CLCN5: variants seen among roughly 807,000 people sequenced by gnomAD.
The protein encoded by CLCN5 is Cl-/H+ antiporter 5.
A neutral mutation model predicts 54.0 loss-of-function variants in CLCN5; 17 were observed. The observed-to-expected ratio is 0.31, with a 90% CI of 0.22 to 0.47. CLCN5 has a LOEUF of 0.47. Among genes scored for constraint, CLCN5 ranks in the 20% least tolerant of loss-of-function variants. The probability of loss-of-function intolerance (pLI) is 1.00; values close to 1 mark genes in which losing one functional copy is unlikely to be tolerated. For missense variants in CLCN5, 448 were observed against 646.7 expected (o/e 0.69, Z 3.33); for synonymous variants, 222 against 233.0 (o/e 0.95, Z 0.43).
intron 3 of CLCN5, among the ~76,000 whole-genome samples, chrX:50,040,379 G>A (rs1333886371): frequency 1.8e-5 from 2 of 111,609 alleles, no homozygotes; most frequent in Non-Finnish European, 3.8e-5. Context: ...AATTTTGTAC[G>A]TTATTAGTAC....
intron 3 of CLCN5, among the ~76,000 whole-genome samples, chrX:49,961,481 A>G (rs1927594145): frequency 8.9e-6 from 1 of 112,309 alleles, no homozygotes; most frequent in Non-Finnish European, 1.9e-5. Context: ...GTAAGAGGCA[A>G]CACAGAGGGT....
chrX:49,950,984 A>G (rs1336879783), intron 3 of CLCN5, among the ~76,000 whole-genome samples: 11 of 111,696 alleles, frequency 9.8e-5, no homozygotes, highest in African/African-American at 3.3e-4. Context: ...TATTCATTCT[A>G]GTTATTTTTG....
intron 3 of CLCN5, among the ~76,000 whole-genome samples, chrX:49,983,071 C>T (rs949667516): frequency 2.7e-5 from 3 of 111,823 alleles, no homozygotes; most frequent in African/African-American, 9.7e-5. Context: ...GCATATCACT[C>T]AAAACAAATG....
chrX:49,964,932 A>G (rs2147311340), intron 3 of CLCN5, among the ~76,000 whole-genome samples: 1 of 111,287 alleles, frequency 9.0e-6, no homozygotes, highest in Non-Finnish European at 1.9e-5. Flanking sequence ...TCAATTTGTT[A>G]GTGACCAAGT....
At chrX:50,082,928 C>T (rs782721074) in intron 9 of CLCN5, among the ~76,000 whole-genome samples, 2 of 110,900 alleles carry the variant, frequency 1.8e-5, no homozygotes, top group African/African-American at 3.3e-5. Context: ...AAATTAGTCC[C>T]GCCATGGCAC....
intron 3 of CLCN5, among the ~76,000 whole-genome samples, chrX:49,985,047 T>A (rs1928934045): frequency 9.0e-6 from 1 of 111,027 alleles, no homozygotes; most frequent in Non-Finnish European, 1.9e-5. Context: ...CATATGGAAT[T>A]CCCTAATGAT....
At chrX:49,997,632 C>T (rs1002711020) in intron 3 of CLCN5, among the ~76,000 whole-genome samples, 2 of 110,305 alleles carry the variant, frequency 1.8e-5, no homozygotes, top group Non-Finnish European at 3.8e-5. Flanking sequence ...CCCAGGCAAT[C>T]CTCCTACCTC....
intron 8 of CLCN5, among the ~76,000 whole-genome samples, chrX:50,081,375 C>T (rs782729147): frequency 2.7e-5 from 3 of 111,057 alleles, no homozygotes; most frequent in Non-Finnish European, 5.7e-5. Context: ...GCTCCTCCTT[C>T]ATATATGCAC....
At chrX:50,037,701 A>C (rs1319363909) in intron 3 of CLCN5, among the ~76,000 whole-genome samples, 3 of 112,257 alleles carry the variant, frequency 2.7e-5, no homozygotes, top group Non-Finnish European at 3.8e-5. Flanking sequence ...TTCATTGTTA[A>C]TGAAGGGGAA....
intron 3 of CLCN5, among the ~76,000 whole-genome samples, chrX:49,968,622 A>C (rs1928032558): frequency 8.7e-5 from 1 of 11,558 alleles, no homozygotes; most frequent in Non-Finnish European, 1.3e-4. Context: ...ATATGTAGAA[A>C]GCTGAAACTG....
chrX:50,059,416 A>G, intron 4 of CLCN5, among the ~76,000 whole-genome samples: 1 of 111,933 alleles, frequency 8.9e-6, no homozygotes, highest in African/African-American at 3.2e-5. Flanking sequence ...TTGGGAAATG[A>G]TCTGGTCAGA....
intron 14 of CLCN5, among the ~76,000 whole-genome samples, chrX:50,091,141 AG>A (rs1934086291): frequency 8.9e-6 from 1 of 111,976 alleles, no homozygotes; most frequent in Non-Finnish European, 1.9e-5. Context: ...TCCCTGACAA[AG>A]GAAACACCTG....
At chrX:49,935,117 T>C (rs1245174443) in intron 3 of CLCN5, among the ~76,000 whole-genome samples, 1 of 111,945 alleles carries the variant, frequency 8.9e-6, no homozygotes, top group Non-Finnish European at 1.9e-5. Flanking sequence ...AGAGTTTCCT[T>C]ATCTTACATT....
Position 49,969,263 on chromosome X carries a change from A to C in CLCN5, c.16+43949A>C, listed in dbSNP as rs557655852. ...CAACTAATTTTTGTACTTTTAGTAG[A>C]GACAGGGTTTTGCCATGTTGGCCAG... On this transcript the variant is annotated intron_variant, in intron 3 of 14. Coordinates refer to ENST00000376091, the MANE Select transcript of CLCN5 (RefSeq NM_001127898.4). Among the ~76,000 whole-genome samples, 3 of 111,416 alleles carry C rather than the reference A, an allele frequency of 2.7e-5. No individual in the cohort carries two copies. The Admixed American group carries it at 2.9e-4, about 11-fold the overall frequency.
intron 3 of CLCN5, among the ~76,000 whole-genome samples, chrX:49,983,106 C>G (rs1316096105): frequency 8.9e-6 from 1 of 111,762 alleles, no homozygotes; most frequent in Non-Finnish European, 1.9e-5. Context: ...AGAATAAATG[C>G]TACATCAGAG....
At chrX:50,089,008 T>G in intron 12 of CLCN5, 124 bp downstream of exon 12, 1 of 617,595 alleles carries the variant, frequency 1.6e-6, no homozygotes, top group East Asian at 3.4e-5. Context: ...GTTTGCCATT[T>G]TCCAAGCACA....
rs782618615 is a variant in CLCN5, at chrX:50,013,752, G to A, written c.17-28564G>A. Among the ~76,000 whole-genome samples, 151 of 112,520 alleles carry A rather than the reference G, an allele frequency of 1.3e-3. 1 individual carries two copies. The highest frequency in any genetic ancestry group is 4.3e-3 in the African/African-American group (133 of 31,010). ...TCCTAGCCTTGCAGCCTAGGCACAA[G>A]TGCTGTCTTAGCAGTGCAATGGGCT... On this transcript the variant is annotated intron_variant, in intron 3 of 14. Transcript: ENST00000376091.
Position 50,092,570 on chromosome X carries a change from C to G in CLCN5, c.*351C>G, listed in dbSNP as rs1039077186. 4.9e-6 allele frequency: 1 copy of G among 202,902 alleles called. No homozygotes were observed. Among genetic ancestry groups the G allele is most frequent in the African/African-American group, 2.9e-5 (1 of 34,227 alleles). 16.7% of individuals were successfully genotyped at this position (202,902 alleles called of 1,213,427 possible). On this transcript the variant is annotated 3_prime_UTR_variant, in exon 15 of 15. Coordinates refer to ENST00000376091, the MANE Select transcript of CLCN5 (RefSeq NM_001127898.4). ...ACTATGCAAGAGAAATTCCAACCGTCCTGACCTATAACCTGTAGGAAACCG... is the reference window on the plus strand; with the variant it reads ...ACTATGCAAGAGAAATTCCAACCGTGCTGACCTATAACCTGTAGGAAACCG...
chrX:50,041,310 T>G (rs1349254869), intron 3 of CLCN5, among the ~76,000 whole-genome samples: 5 of 111,892 alleles, frequency 4.5e-5, no homozygotes, highest in African/African-American at 1.6e-4. Flanking sequence ...AAGATTTTCT[T>G]TAAGAAATAG....
Sources: gnomAD v4.1 joint callset for allele counts (sites outside exome capture counted in the v4.1 genomes callset) on GRCh38, gnomAD v4.1.1 for gene constraint, MANE v1.5 for transcripts, NCBI Gene and HGNC (gene_info 2026-07-23, HGNC 2026-07-21) for gene names.